The following PTK7 variants were observed in gnomAD, a reference collection of about 807,000 sequenced individuals.
The protein encoded by PTK7 is inactive tyrosine-protein kinase 7.
A neutral mutation model predicts 116.6 loss-of-function variants in PTK7; 39 were observed. The observed-to-expected ratio is 0.33, with a 90% CI of 0.26 to 0.44. PTK7 has a LOEUF of 0.44. Ranked by LOEUF, PTK7 falls within the 20% of genes least tolerant of loss-of-function variation. The pLI is 1.00. For missense variants in PTK7, 1,169 were observed against 1,425.6 expected, an observed-to-expected ratio of 0.82 and a Z score of 2.90; for synonymous variants, 546 against 563.6, an observed-to-expected ratio of 0.97 and a Z score of 0.44.
rs976810843 is a variant in PTK7, at chr6:43,125,304, G to A, written c.80-3673G>A. Among the ~76,000 whole-genome samples, 7 of 152,242 alleles carry A rather than the reference G, an allele frequency of 4.6e-5. 1 individual carries two copies. The South Asian group carries it at 8.3e-4, about 18-fold the overall frequency. ...GCTTTGATGTTTCCCAGGCCCAGTC[G>A]TTGGGGCACAGGGGGCTCTGAGTGG... On this transcript the variant is annotated intron_variant, in intron 1 of 19. Coordinates refer to ENST00000230419, the MANE Select transcript of PTK7 (RefSeq NM_002821.5).
Position 43,145,086 on chromosome 6 carries a change from T to A in PTK7, c.2408-114T>A. 1.1e-6 allele frequency: 1 copy of A among 886,676 alleles called. No homozygotes were observed. The highest frequency in any genetic ancestry group is 1.7e-6 in the Non-Finnish European group (1 of 587,406). 54.9% of individuals were successfully genotyped at this position (886,676 alleles called of 1,614,324 possible). On this transcript the variant is annotated intron_variant, in intron 15 of 19. Transcript: ENST00000230419. The surrounding 1 kb of genome is among the most constrained non-coding windows in gnomAD (Gnocchi z 4.8). ...GGGGTCACAGCAGAACCGGGTCTCG[T>A]GCCCAGCCCAGGTGGGTGGGTCCCC...
At chr6:43,094,838 A>G (rs951798759) in intron 1 of PTK7, among the ~76,000 whole-genome samples, 4 of 151,900 alleles carry the variant, frequency 2.6e-5, no homozygotes, top group Non-Finnish European at 5.9e-5. Flanking sequence ...TGAGGTCAGG[A>G]GTTCAAGACC....
chr6:43,122,922 T>C (rs1769050239), intron 1 of PTK7, among the ~76,000 whole-genome samples: 1 of 151,962 alleles, frequency 6.6e-6, no homozygotes, highest in Non-Finnish European at 1.5e-5. Flanking sequence ...ACTGAGTCTT[T>C]AGTGTGGTGC....
chr6:43,086,514 G>A (rs1363050460), intron 1 of PTK7, among the ~76,000 whole-genome samples: 9 of 151,760 alleles, frequency 5.9e-5, no homozygotes, highest in East Asian at 1.9e-4. Flanking sequence ...CAGCTAGCTC[G>A]TATGGTACCT....
chr6:43,131,011 T>C (rs1769637278), intron 5 of PTK7, among the ~76,000 whole-genome samples: 1 of 140,528 alleles, frequency 7.1e-6, no homozygotes, highest in African/African-American at 2.7e-5. Context: ...GATAGCGTGA[T>C]CCAGTGTGGC....
rs1582161815 is a variant in PTK7, at chr6:43,131,908, C to T, written c.813-108C>T. On this transcript the variant is annotated intron_variant, in intron 5 of 19. Coordinates refer to ENST00000230419, the MANE Select transcript of PTK7 (RefSeq NM_002821.5). ...TCCTTCTCTCTGCCCTGTTCCTGGT[C>T]GATTCCTTACTACATTTCCGACTTT... 28 of 1,453,576 alleles carry T rather than the reference C, an allele frequency of 1.9e-5. No individual in the cohort carries two copies. The East Asian group carries it at 5.7e-4, about 30-fold the overall frequency. The allele number at this position is 1,453,576 out of a possible 1,614,324, so 90.0% of individuals were successfully genotyped here.
chr6:43,076,573 T>C lies in PTK7; in HGVS notation c.79+6T>C, dbSNP rs1485963036. On this transcript the variant is annotated splice_donor_region_variant and intron_variant, in intron 1 of 19. Coordinates refer to ENST00000230419, the MANE Select transcript of PTK7 (RefSeq NM_002821.5). The surrounding 1 kb of genome is among the most constrained non-coding windows in gnomAD (Gnocchi z 5.7). ...GCTGCTGCCGCTGCTGGGCGGTGAG[T>C]ACCCGAGAGTTGGGGGCACAGAGCT... The C allele has an allele frequency of 6.4e-7, 1 of 1,573,904 alleles. No homozygotes were observed. Among genetic ancestry groups the C allele is most frequent in the Non-Finnish European group, 8.6e-7 (1 of 1,165,396 alleles).
chr6:43,118,649 CTCTCTCTCTCTATATA>C lies in PTK7; in HGVS notation c.80-10326_80-10311del, dbSNP rs1310067438. ...TCTCTCTCTCTCTCTCTCTCTCTCT[CTCTCTCTCTCTATATA>C]TATATATATATATATATATATATGT... On this transcript the variant is annotated intron_variant, in intron 1 of 19. Transcript: ENST00000230419. Among the ~76,000 whole-genome samples the C allele has an allele frequency of 5.0e-3, 433 of 86,464 alleles. 5 individuals carry two copies. The highest frequency in any genetic ancestry group is 0.013 in the African/African-American group (219 of 17,364). The allele number at this position is 86,464 out of a possible 152,430, so 56.7% of individuals were successfully genotyped here.
At chr6:43,151,570 T>G (rs1582213608) in intron 17 of PTK7, among the ~76,000 whole-genome samples, 1 of 132,762 alleles carries the variant, frequency 7.5e-6, no homozygotes, top group African/African-American at 2.9e-5. Flanking sequence ...TCTCACTCCG[T>G]CGCCAGGCTG....
chr6:43,158,522 A>G lies in PTK7; in HGVS notation c.2722-295A>G, dbSNP rs529212993. On this transcript the variant is annotated intron_variant, in intron 17 of 19. Transcript: ENST00000230419. Reference sequence around the variant, plus strand: ...CTGCCCACTTATTTTTCACTGGACAAGTGGTTACTATGTATGTGCCCTTAG... The same window carrying G: ...CTGCCCACTTATTTTTCACTGGACAGGTGGTTACTATGTATGTGCCCTTAG... Among the ~76,000 whole-genome samples the G allele has an allele frequency of 2.6e-5, 4 of 152,316 alleles. No individual in the cohort carries two copies. In the East Asian group the frequency reaches 7.7e-4, roughly 29 times the overall value.
intron 1 of PTK7, among the ~76,000 whole-genome samples, chr6:43,111,549 C>T (rs995625183): frequency 3.9e-5 from 6 of 152,192 alleles, no homozygotes; most frequent in African/African-American, 1.4e-4. Context: ...GGCTAAGAGT[C>T]CAAACTCACA....
chr6:43,132,559 G>A lies in PTK7; in HGVS notation c.1100G>A (p.Gly367Asp). The A allele has an allele frequency of 6.2e-7, 1 of 1,613,424 alleles. No homozygotes were observed. Among genetic ancestry groups the A allele is most frequent in the Non-Finnish European group, 8.5e-7 (1 of 1,179,854 alleles). ...EHAGVRLPTH[G>D]RVYQKGHELV... ...GCGGGAGTCCGGCTGCCCACCCATG[G>A]CAGGGTCTACCAGAAGGGCCACGAG... The change falls in exon 7 of 20, where the codon GGC (glycine) becomes GAC (aspartate). Residue 367 changes from glycine (G) to aspartate (D), a missense_variant. Physicochemically the swap from Gly to Asp is moderately conservative, Grantham distance 94. This residue lies in a region of PTK7 where 487 missense variants were observed against 549.8 expected (regional missense o/e 0.89). Transcript: ENST00000230419.
rs755840933 is a variant in PTK7, at chr6:43,144,461, G to T, written c.2262G>T (p.Leu754Phe). The change falls in exon 15 of 20, where the codon TTG becomes TTT. Residue 754 changes from leucine (L) to phenylalanine (F), a missense_variant. Around this residue, in one of 3 missense-constraint regions of PTK7, gnomAD observed 678 missense variants for 853.8 expected, o/e 0.79. Coordinates refer to ENST00000230419, the MANE Select transcript of PTK7 (RefSeq NM_002821.5). ...PEMECLNGGPLQNGQPSAEIQ... is the reference protein window; with the variant it reads ...PEMECLNGGPFQNGQPSAEIQ... ...CCTCCTCCTTCCCAGGTGGGCCTTT[G>T]CAGAACGGGCAGCCCTCAGCAGAGA... 1 of 1,614,104 alleles carries T rather than the reference G, an allele frequency of 6.2e-7. No homozygotes were observed. Among genetic ancestry groups the T allele is most frequent in the South Asian group, 1.1e-5 (1 of 91,072 alleles).
intron 1 of PTK7, among the ~76,000 whole-genome samples, chr6:43,088,331 C>T (rs1295094394): frequency 6.6e-6 from 1 of 151,992 alleles, no homozygotes; most frequent in Non-Finnish European, 1.5e-5. Context: ...AAAGCTGAGA[C>T]CAGAGTGCCA....
chr6:43,144,293 A>G, intron 14 of PTK7, 158 bp from the exon 15 acceptor site: 1 of 769,968 alleles, frequency 1.3e-6, no homozygotes, highest in Non-Finnish European at 2.1e-6. Flanking sequence ...ACCCAGCCCC[A>G]GCCCCATTAT....
intron 1 of PTK7, among the ~76,000 whole-genome samples, chr6:43,096,916 G>A (rs985999247): frequency 2.0e-4 from 16 of 81,264 alleles, no homozygotes; most frequent in African/African-American, 8.0e-4. Context: ...TTTGCTGGGG[G>A]CCTGGAGGCC....
chr6:43,132,060 T>C lies in PTK7; in HGVS notation c.857T>C (p.Leu286Pro). 1.2e-6 allele frequency: 2 copies of C among 1,614,108 alleles called. No homozygotes were observed. The highest frequency in any genetic ancestry group is 1.6e-4 in the Middle Eastern group (1 of 6,062). Residue 286 changes from leucine (L) to proline (P), a missense_variant, in exon 6 of 20, where the codon CTG (leucine) becomes CCG (proline). This residue lies in a region of PTK7 where 487 missense variants were observed against 549.8 expected (regional missense o/e 0.89). Transcript: ENST00000230419. ...RRATVFANGS[L>P]LLTQVRPRNA... ...GCCACAGTGTTTGCCAACGGGTCTC[T>C]GCTGCTGACCCAGGTCCGGCCACGC...
intron 1 of PTK7, among the ~76,000 whole-genome samples, chr6:43,110,532 C>T (rs1438001144): frequency 6.6e-6 from 1 of 151,986 alleles, no homozygotes; most frequent in Admixed American, 6.6e-5. Flanking sequence ...TTGCCTCAGC[C>T]TCCCAAGTAG....
At chr6:43,135,188 GCT>G (rs1483863782) in intron 7 of PTK7, among the ~76,000 whole-genome samples, 1 of 152,180 alleles carries the variant, frequency 6.6e-6, no homozygotes, top group African/African-American at 2.4e-5. Flanking sequence ...CCCTTGCTGT[GCT>G]CTGAGAAGGA....
Sources: allele counts gnomAD v4.1 joint callset (sites outside exome capture counted in the v4.1 genomes callset), GRCh38; gene constraint gnomAD v4.1.1; regional missense constraint gnomAD v4.1.1; non-coding constraint Gnocchi (gnomAD v3.1); transcripts MANE v1.5; gene names NCBI Gene and HGNC (gene_info 2026-07-23, HGNC 2026-07-21).